The following LRRC49 variants were observed in gnomAD, a reference collection of about 807,000 sequenced individuals.
The protein encoded by LRRC49 is leucine-rich repeat-containing protein 49.
A neutral mutation model predicts 83.3 loss-of-function variants in LRRC49; 50 were observed. The observed-to-expected ratio is 0.60, with a 90% CI of 0.48 to 0.76. The LOEUF is 0.76. LRRC49 is among the 30% of genes least tolerant of loss of function. The pLI, the probability that LRRC49 is intolerant of heterozygous loss-of-function variation, is 0.00. For synonymous variants in LRRC49, 286 were observed against 283.3 expected (o/e 1.01, Z -0.10); for missense variants, 704 against 809.1 (o/e 0.87, Z 1.58).
chr15:71,049,302 TA>T, intron 15 of LRRC49, 106 bp from the exon 16 acceptor site: 1 of 699,368 alleles, frequency 1.4e-6, no homozygotes, highest in Non-Finnish European at 2.4e-6. Context: ...GGGGGAGGAA[TA>T]GGGGGTCAGA....
At chr15:71,023,754 A>T (rs1295265525) in intron 14 of LRRC49, among the ~76,000 whole-genome samples, 1 of 152,214 alleles carries the variant, frequency 6.6e-6, no homozygotes, top group Non-Finnish European at 1.5e-5. Flanking sequence ...CTTGGATCTC[A>T]AGCACAGAGC....
At chr15:71,041,485 G>GA (rs1293171709) in intron 15 of LRRC49, among the ~76,000 whole-genome samples, 1 of 152,032 alleles carries the variant, frequency 6.6e-6, no homozygotes, top group East Asian at 1.9e-4. Context: ...ATAACAAGCA[G>GA]AAAGAAGATA....
At chr15:71,043,073 A>C (rs1165291315) in intron 15 of LRRC49, among the ~76,000 whole-genome samples, 6 of 152,102 alleles carry the variant, frequency 3.9e-5, no homozygotes, top group African/African-American at 1.4e-4. Flanking sequence ...TTTTTAGTTG[A>C]CTTTTTATAT....
At chr15:70,989,344 T>C (rs909788378) in intron 11 of LRRC49, among the ~76,000 whole-genome samples, 2 of 152,216 alleles carry the variant, frequency 1.3e-5, no homozygotes, top group Non-Finnish European at 2.9e-5. Flanking sequence ...TTCTATTCTT[T>C]TTTTTCTAAA....
chr15:70,886,948 CA>C, intron 2 of LRRC49, among the ~76,000 whole-genome samples: 1 of 151,836 alleles, frequency 6.6e-6, no homozygotes, highest in South Asian at 2.1e-4. Context: ...TCAGCTCAAA[CA>C]GAATTTTTTT....
chr15:70,946,748 A>G (rs2036022140), intron 8 of LRRC49, among the ~76,000 whole-genome samples: 1 of 151,960 alleles, frequency 6.6e-6, no homozygotes, highest in Non-Finnish European at 1.5e-5. Flanking sequence ...TCTCACCCAC[A>G]CTTATCTGTT....
chr15:70,990,541 G>T (rs906127199), intron 11 of LRRC49, among the ~76,000 whole-genome samples: 6 of 152,128 alleles, frequency 3.9e-5, no homozygotes, highest in Non-Finnish European at 8.8e-5. Context: ...ATCTGTCACC[G>T]CTTTCTTTGA....
At chr15:70,950,741 T>A (rs1342088640) in intron 8 of LRRC49, among the ~76,000 whole-genome samples, 1 of 152,230 alleles carries the variant, frequency 6.6e-6, no homozygotes, top group Non-Finnish European at 1.5e-5. Context: ...TTTCTTTTGC[T>A]GTGCAGAAGC....
intron 11 of LRRC49, among the ~76,000 whole-genome samples, chr15:70,986,897 T>C: frequency 6.6e-6 from 1 of 152,196 alleles, no homozygotes; most frequent in East Asian, 1.9e-4. Flanking sequence ...GATAATCATG[T>C]GGTTTTTGTC....
At chr15:70,871,492 C>G (rs1382753390) in intron 1 of LRRC49, among the ~76,000 whole-genome samples, 1 of 152,164 alleles carries the variant, frequency 6.6e-6, no homozygotes, top group Non-Finnish European at 1.5e-5. Context: ...AGGTGGCGGC[C>G]GGGCAGAGGG....
chr15:70,988,005 T>A lies in LRRC49; in HGVS notation c.1169+3748T>A, dbSNP rs1427270077. On this transcript the variant is annotated intron_variant, in intron 11 of 15. Transcript: ENST00000260382. ...ATTGCACTGTGGTCTGAGAGATAGTTTGTTATAATTTCTGATCTTTTACAT... is the reference window on the plus strand; with the variant it reads ...ATTGCACTGTGGTCTGAGAGATAGTATGTTATAATTTCTGATCTTTTACAT... 1.3e-5 allele frequency among the ~76,000 whole-genome samples: 2 copies of A among 152,130 alleles called. 1 individual carries two copies. The highest frequency in any genetic ancestry group is 2.9e-5 in the Non-Finnish European group (2 of 68,034).
chr15:70,892,377 C>T, upstream of LRRC49: 4 of 1,546,510 alleles, frequency 2.6e-6, no homozygotes, highest in Non-Finnish European at 3.5e-6. Context: ...CCTCACCTGT[C>T]CACTCCGGGT....
At chr15:70,865,186 C>T (rs1290344453) in intron 1 of LRRC49, among the ~76,000 whole-genome samples, 2 of 152,124 alleles carry the variant, frequency 1.3e-5, no homozygotes, top group Non-Finnish European at 2.9e-5. Context: ...ACCCAAATCT[C>T]TATTCTGCTT....
chr15:70,942,033 A>ATG (rs34818331), intron 8 of LRRC49, among the ~76,000 whole-genome samples: 8,979 of 144,068 alleles, frequency 0.062, 433 homozygotes, highest in African/African-American at 0.15. Context: ...TGTAAAGGTT[A>ATG]TGTGTGTGTG....
intron 7 of LRRC49, among the ~76,000 whole-genome samples, chr15:70,924,316 A>C (rs920113796): frequency 4.6e-5 from 7 of 151,874 alleles, no homozygotes; most frequent in African/African-American, 1.7e-4. Flanking sequence ...AATTGTAATT[A>C]CTGATATGTT....
chr15:71,024,100 GA>G (rs1391841496), intron 14 of LRRC49, among the ~76,000 whole-genome samples: 1 of 152,232 alleles, frequency 6.6e-6, no homozygotes, highest in Non-Finnish European at 1.5e-5. Flanking sequence ...TTTAGGGACA[GA>G]CCTCTGATCT....
At chr15:70,980,273 T>C in intron 10 of LRRC49, 89 bp downstream of exon 10, 2 of 890,108 alleles carry the variant, frequency 2.2e-6, no homozygotes, top group South Asian at 4.2e-5. Context: ...GAAAAGTGGT[T>C]TCTAAACTTT....
chr15:71,044,391 A>G (rs2039787647), intron 15 of LRRC49, among the ~76,000 whole-genome samples: 6 of 152,360 alleles, frequency 3.9e-5, no homozygotes. Flanking sequence ...GTCATAAGAA[A>G]ATTCTTAAAA....
intron 2 of LRRC49, chr15:70,882,628 C>A (rs143098607): frequency 1.2e-6 from 2 of 1,613,776 alleles, no homozygotes; most frequent in Non-Finnish European, 1.7e-6. Context: ...TTTTTCCAAA[C>A]GCTTTCACTT....
Sources: gnomAD v4.1 joint callset for allele counts (sites outside exome capture counted in the v4.1 genomes callset) on GRCh38, gnomAD v4.1.1 for gene constraint, MANE v1.5 for transcripts, NCBI Gene and HGNC (gene_info 2026-07-23, HGNC 2026-07-21) for gene names.